Variants in SH3BGR observed in about 807,000 individuals in gnomAD.
The protein encoded by SH3BGR is SH3 domain binding glutamate rich protein, also known as SH3 domain-binding glutamic acid-rich protein.
A neutral mutation model predicts 24.5 loss-of-function variants in SH3BGR; 29 were observed. That is an observed-to-expected ratio of 1.18 (90% CI 0.88 to 1.61). The LOEUF is 1.61. Ranked by LOEUF, SH3BGR falls within the 40% of genes most tolerant of loss-of-function variation. SH3BGR has a pLI of 0.00. For missense variants in SH3BGR, 162 were observed against 205.8 expected (o/e 0.79, Z 1.30); for synonymous variants, 55 against 65.7 (o/e 0.84, Z 0.79).
At chr21:39,498,251 A>C (rs952718306) in intron 3 of SH3BGR, among the ~76,000 whole-genome samples, 1 of 152,230 alleles carries the variant, frequency 6.6e-6, no homozygotes, top group African/African-American at 2.4e-5. Flanking sequence ...CACATTTTTA[A>C]TACTGATTAT....
intron 3 of SH3BGR, among the ~76,000 whole-genome samples, chr21:39,482,552 A>G (rs1224923608): frequency 2.0e-5 from 3 of 152,228 alleles, no homozygotes; most frequent in Non-Finnish European, 2.9e-5. Context: ...AGATGATACT[A>G]GAATATTTAA....
chr21:39,496,928 A>G (rs2078406811), intron 3 of SH3BGR, among the ~76,000 whole-genome samples: 1 of 152,148 alleles, frequency 6.6e-6, no homozygotes, highest in Non-Finnish European at 1.5e-5. Context: ...ATTTCAATCA[A>G]AATTCTATTT....
chr21:39,499,782 TC>T, intron 3 of SH3BGR, 40 bp from the exon 4 acceptor site: 1 of 1,467,914 alleles, frequency 6.8e-7, no homozygotes, highest in African/African-American at 1.4e-5. Context: ...TTTTCTTTTT[TC>T]TGTTTTTGAG....
rs147859680 is a variant in SH3BGR at position 39,470,202 on chromosome 21, A to G, written c.232-4933A>G. On this transcript the variant is annotated intron_variant, in intron 2 of 6. Coordinates refer to ENST00000333634, the MANE Select transcript of SH3BGR (RefSeq NM_007341.3). ...TATCCTTTTAGTGGTTAACTTAGCT[A>G]TTTTAACATACATACTTAAATTAGT... 1.4e-4 allele frequency among the ~76,000 whole-genome samples: 22 copies of G among 151,836 alleles called. 2 individuals carry two copies. Among genetic ancestry groups the G allele is most frequent in the Admixed American group, 5.9e-4 (9 of 15,236 alleles).
intron 1 of SH3BGR, among the ~76,000 whole-genome samples, chr21:39,459,431 G>A (rs150047572): frequency 0.012 from 1,765 of 152,188 alleles, 13 homozygotes; most frequent in Non-Finnish European, 0.017. Flanking sequence ...CACCATGTTG[G>A]CCAGGATAGT....
chr21:39,504,361 C>T (rs990594484), intron 4 of SH3BGR, among the ~76,000 whole-genome samples: 5 of 152,230 alleles, frequency 3.3e-5, no homozygotes, highest in Non-Finnish European at 7.3e-5. Context: ...TCTAGCCGCT[C>T]TGAGGCTGGC....
intron 3 of SH3BGR, among the ~76,000 whole-genome samples, chr21:39,476,551 C>A (rs1030731367): frequency 6.6e-6 from 1 of 152,166 alleles, no homozygotes; most frequent in African/African-American, 2.4e-5. Flanking sequence ...TCCTTCCCAC[C>A]ACTGGAAATT....
intron 5 of SH3BGR, among the ~76,000 whole-genome samples, chr21:39,510,706 G>T (rs1163903429): frequency 1.3e-5 from 2 of 151,152 alleles, no homozygotes; most frequent in African/African-American, 4.9e-5. Flanking sequence ...CTCTTGCTAG[G>T]CCAGCTTCAA....
At chr21:39,482,324 C>A (rs1448061096) in intron 3 of SH3BGR, among the ~76,000 whole-genome samples, 4 of 152,152 alleles carry the variant, frequency 2.6e-5, no homozygotes, top group African/African-American at 4.8e-5. Context: ...TGGAATTGTT[C>A]TAGACTAAAA....
At chr21:39,451,690 C>G (rs922553206), upstream of SH3BGR, 2 of 576,176 alleles carry the variant, frequency 3.5e-6, no homozygotes, top group South Asian at 2.2e-5. Context: ...CTTCTTTCGC[C>G]TCCTGCTGCT....
intron 3 of SH3BGR, among the ~76,000 whole-genome samples, chr21:39,480,868 C>T (rs907998479): frequency 2.0e-5 from 3 of 152,226 alleles, no homozygotes; most frequent in Non-Finnish European, 4.4e-5. Context: ...AACCACTACA[C>T]TGGAGACTCA....
chr21:39,510,946 T>C (rs972609311), intron 5 of SH3BGR, among the ~76,000 whole-genome samples: 3 of 139,594 alleles, frequency 2.1e-5, no homozygotes, highest in South Asian at 2.3e-4. Context: ...TATATATATA[T>C]ACTTTCTGAA....
intron 3 of SH3BGR, among the ~76,000 whole-genome samples, chr21:39,499,127 T>G (rs1336521758): frequency 6.6e-6 from 1 of 152,198 alleles, no homozygotes; most frequent in East Asian, 1.9e-4. Flanking sequence ...CATGATTCAG[T>G]TACCTCCATC....
chr21:39,491,236 G>A (rs2078294043), intron 3 of SH3BGR, among the ~76,000 whole-genome samples: 1 of 149,662 alleles, frequency 6.7e-6, no homozygotes, highest in African/African-American at 2.5e-5. Context: ...TGCAACCTCC[G>A]CCTCCCAAGT....
intron 3 of SH3BGR, among the ~76,000 whole-genome samples, chr21:39,486,120 A>T (rs1000238207): frequency 6.6e-6 from 1 of 152,248 alleles, no homozygotes; most frequent in East Asian, 1.9e-4. Flanking sequence ...AGCTCATTAC[A>T]AATAACTTCA....
chr21:39,513,296 G>T (rs912995740), intron 6 of SH3BGR, among the ~76,000 whole-genome samples: 2 of 152,124 alleles, frequency 1.3e-5, no homozygotes, highest in African/African-American at 4.8e-5. Flanking sequence ...TACAAAGAAG[G>T]GTGGATAGAA....
At chr21:39,505,473 GT>G (rs2078566386) in intron 4 of SH3BGR, among the ~76,000 whole-genome samples, 1 of 152,282 alleles carries the variant, frequency 6.6e-6, no homozygotes, top group African/African-American at 2.4e-5. Context: ...TTGATAAAGA[GT>G]GCTAGGAGCC....
At chr21:39,471,503 G>C (rs1221123132) in intron 2 of SH3BGR, among the ~76,000 whole-genome samples, 2 of 152,126 alleles carry the variant, frequency 1.3e-5, no homozygotes, top group African/African-American at 4.8e-5. Flanking sequence ...GCTTCTCCAA[G>C]AGCTCCTATA....
chr21:39,445,879 T>C (rs1435274672), upstream of SH3BGR: 1 of 152,120 alleles, frequency 6.6e-6, no homozygotes, highest in Non-Finnish European at 1.5e-5. Context: ...GGGAGGGGCG[T>C]CTTGGGCCTG....
Sources: allele counts gnomAD v4.1 joint callset (sites outside exome capture counted in the v4.1 genomes callset), GRCh38; gene constraint gnomAD v4.1.1; transcripts MANE v1.5; gene names NCBI Gene and HGNC (gene_info 2026-07-23, HGNC 2026-07-21).